ENPP2: variants seen among roughly 807,000 people sequenced by gnomAD.
ENPP2 encodes ectonucleotide pyrophosphatase/phosphodiesterase 2, also known as autotaxin.
ENPP2 carries 51 observed loss-of-function variants against 120.2 expected under a neutral mutation model. The ratio of observed to expected loss-of-function variants is 0.42; its 90% CI spans 0.34 to 0.54. The LOEUF is 0.54. ENPP2 is among the 20% of genes least tolerant of loss of function. The pLI, the probability that ENPP2 is intolerant of heterozygous loss-of-function variation, is 0.04. For missense variants in ENPP2, 920 were observed against 1,066.5 expected (o/e 0.86, Z 1.91); for synonymous variants, 365 against 366.4 (o/e 1.00, Z 0.04).
At position 119,638,832 on chromosome 8, in the gene ENPP2, A is replaced by G. The variant is rs779811974; in HGVS notation, c.-52T>C. 6.2e-7 allele frequency: 1 copy of G among 1,613,142 alleles called. No homozygotes were observed. The highest frequency in any genetic ancestry group is 8.5e-7 in the Non-Finnish European group (1 of 1,179,206). ...CAGCGTGTTCTCTTTGCCTTCACGGAGTGCACTGCTTTGAGGCTCTGGGTT... is the reference window on the plus strand; with the variant it reads ...CAGCGTGTTCTCTTTGCCTTCACGGGGTGCACTGCTTTGAGGCTCTGGGTT... On this transcript the variant is annotated 5_prime_UTR_variant, in exon 1 of 25. Coordinates refer to ENST00000075322, the MANE Select transcript of ENPP2 (RefSeq NM_001040092.3).
At chr8:119,599,212 A>C (rs1587438088) in intron 11 of ENPP2, among the ~76,000 whole-genome samples, 1 of 152,196 alleles carries the variant, frequency 6.6e-6, no homozygotes, top group Non-Finnish European at 1.5e-5. Context: ...GGACAGAAAA[A>C]GAGCATCTGA....
intron 19 of ENPP2, 81 bp downstream of exon 19, chr8:119,580,035 C>A: frequency 1.1e-6 from 1 of 907,312 alleles, no homozygotes; most frequent in East Asian, 2.4e-5. Flanking sequence ...ATTGTGCTTA[C>A]ACTATAATGT....
chr8:119,623,326 A>T (rs1816041007), intron 3 of ENPP2, among the ~76,000 whole-genome samples: 1 of 151,940 alleles, frequency 6.6e-6, no homozygotes. Flanking sequence ...TTAGCCGGGC[A>T]TGGTGGTGCA....
chr8:119,558,714 T>C (rs1026728904), intron 24 of ENPP2, among the ~76,000 whole-genome samples: 3 of 151,266 alleles, frequency 2.0e-5, no homozygotes, highest in African/African-American at 4.9e-5. Flanking sequence ...TTAGTAGACA[T>C]TGAGCAGGAC....
chr8:119,569,574 A>G (rs966616470), intron 20 of ENPP2, among the ~76,000 whole-genome samples: 2 of 152,056 alleles, frequency 1.3e-5, no homozygotes, highest in Admixed American at 6.6e-5. Context: ...ACTTTTTTTA[A>G]TCAACATAAC....
chr8:119,652,868 C>A (rs1817664498), intron 1 of ENPP2, among the ~76,000 whole-genome samples: 1 of 152,158 alleles, frequency 6.6e-6, no homozygotes, highest in African/African-American at 2.4e-5. Flanking sequence ...CCAGATCTAT[C>A]TATCTGGGAC....
intron 1 of ENPP2, among the ~76,000 whole-genome samples, chr8:119,655,085 T>A (rs1408370319): frequency 6.6e-6 from 1 of 152,206 alleles, no homozygotes; most frequent in Non-Finnish European, 1.5e-5. Context: ...ATTTAATGTA[T>A]GCCAAATACA....
At chr8:119,587,651 T>C (rs1207527752) in intron 13 of ENPP2, among the ~76,000 whole-genome samples, 1 of 152,204 alleles carries the variant, frequency 6.6e-6, no homozygotes, top group African/African-American at 2.4e-5. Flanking sequence ...TTATTTTCAA[T>C]AGCATCAAGT....
At chr8:119,570,577 A>G in intron 20 of ENPP2, 128 bp downstream of exon 20, 1 of 573,790 alleles carries the variant, frequency 1.7e-6, no homozygotes, top group Non-Finnish European at 3.0e-6. Flanking sequence ...TAAATCCAAC[A>G]TAGGATTTCT....
intron 20 of ENPP2, 145 bp downstream of exon 20, chr8:119,570,560 C>G: frequency 1.9e-6 from 1 of 538,864 alleles, no homozygotes. Context: ...TTCAAAATAT[C>G]TTACAATAAA....
intron 7 of ENPP2, among the ~76,000 whole-genome samples, chr8:119,616,962 A>G (rs1037907152): frequency 1.3e-5 from 2 of 152,218 alleles, no homozygotes; most frequent in African/African-American, 4.8e-5. Flanking sequence ...AAAAGTTTTC[A>G]GCTTTAAAGT....
intron 1 of ENPP2, among the ~76,000 whole-genome samples, chr8:119,661,626 C>A (rs1395636215): frequency 6.6e-6 from 1 of 152,004 alleles, no homozygotes; most frequent in African/African-American, 2.4e-5. Flanking sequence ...CACAAACAAT[C>A]AAAAATAGAA....
intron 13 of ENPP2, among the ~76,000 whole-genome samples, chr8:119,588,410 T>C (rs1273458467): frequency 6.6e-6 from 1 of 150,884 alleles, no homozygotes; most frequent in Non-Finnish European, 1.5e-5. Flanking sequence ...GTGCCTGTAG[T>C]CCCAGCTACT....
Position 119,583,739 on chromosome 8 carries a change from A to T in ENPP2, c.1521T>A (p.Ile507=), listed in dbSNP as rs145038215. 6.3e-7 allele frequency: 1 copy of T among 1,586,116 alleles called. No individual in the cohort carries two copies. The change falls in exon 17 of 25, where the codon ATT becomes ATA. Residue 507 remains isoleucine, a synonymous_variant. Transcript: ENST00000075322. Reference sequence around the variant, plus strand: ...TACCACACATAACATTGTAAAGTTCAATGTTTTCAAATGGAGGCACTTTAG... The same window carrying T: ...TACCACACATAACATTGTAAAGTTCTATGTTTTCAAATGGAGGCACTTTAG... ...YKTKVPPFEN[I]ELYNVMCDLL...
rs747556345 is a variant in ENPP2 at position 119,584,013 on chromosome 8, T to G, written c.1404A>C (p.Lys468Asn). Residue 468 changes from lysine to asparagine, a missense_variant, in exon 16 of 25, where the codon AAA becomes AAC. By Grantham distance (94) the Lys-to-Asn change is moderately conservative. Coordinates refer to ENST00000075322, the MANE Select transcript of ENPP2 (RefSeq NM_001040092.3). Reference sequence around the variant, plus strand: ...ATCCGTGGTCTCCCTGGAAAAAGCATTTTCCTGATGGTTTCTTATAAACAT... The same window carrying G: ...ATCCGTGGTCTCCCTGGAAAAAGCAGTTTCCTGATGGTTTCTTATAAACAT... ...PLDVYKKPSGKCFFQGDHGFD... is the reference protein window; with the variant it reads ...PLDVYKKPSGNCFFQGDHGFD... 6.2e-7 allele frequency: 1 copy of G among 1,613,408 alleles called. No individual in the cohort carries two copies. The highest frequency in any genetic ancestry group is 8.5e-7 in the Non-Finnish European group (1 of 1,179,496).
At chr8:119,598,438 T>C (rs1475141006) in intron 11 of ENPP2, among the ~76,000 whole-genome samples, 1 of 152,220 alleles carries the variant, frequency 6.6e-6, no homozygotes, top group Non-Finnish European at 1.5e-5. Flanking sequence ...TCTCTGTTTA[T>C]ATATTTGTGA....
At chr8:119,579,443 T>C (rs1163628438) in intron 19 of ENPP2, among the ~76,000 whole-genome samples, 2 of 152,236 alleles carry the variant, frequency 1.3e-5, no homozygotes, top group Non-Finnish European at 2.9e-5. Context: ...ATGTCTCTGA[T>C]GAAGGCTACT....
chr8:119,558,932 C>T (rs915357583), intron 24 of ENPP2, among the ~76,000 whole-genome samples: 28 of 152,304 alleles, frequency 1.8e-4, no homozygotes, highest in African/African-American at 2.4e-5. Context: ...CCAACCCACA[C>T]AAACCTGGAC....
upstream of ENPP2, among the ~76,000 whole-genome samples, chr8:119,639,086 TA>T (rs1447507870): frequency 2.6e-5 from 4 of 152,080 alleles, no homozygotes; most frequent in African/African-American, 9.7e-5. Context: ...CCGTGGCCCA[TA>T]ACAGTGCATG....
Sources: gnomAD v4.1 joint callset for allele counts (sites outside exome capture counted in the v4.1 genomes callset) on GRCh38, gnomAD v4.1.1 for gene constraint, MANE v1.5 for transcripts, NCBI Gene and HGNC (gene_info 2026-07-23, HGNC 2026-07-21) for gene names.